Variants in CNTN4 observed in about 807,000 individuals in gnomAD.
CNTN4 encodes contactin 4, also known as contactin-4.
CNTN4 carries 77 observed loss-of-function variants against 122.5 expected under a neutral mutation model. That is an observed-to-expected ratio of 0.63 (90% CI 0.52 to 0.76). The LOEUF is 0.76. Among genes scored for constraint, CNTN4 ranks in the 30% least tolerant of loss-of-function variants. The pLI is 0.00. For synonymous variants in CNTN4, 512 were observed against 447.0 expected, an observed-to-expected ratio of 1.15 and a Z score of -1.83; for missense variants, 1,256 against 1,259.1, an observed-to-expected ratio of 1.00 and a Z score of 0.04.
chr3:2,985,915 T>TC (rs1694519886), intron 13 of CNTN4, among the ~76,000 whole-genome samples: 1 of 132,238 alleles, frequency 7.6e-6, no homozygotes, highest in African/African-American at 3.0e-5. Flanking sequence ...GAGAATACTT[T>TC]TTTTTTTTTT....
At chr3:2,102,018 C>T (rs527764688) in intron 2 of CNTN4, among the ~76,000 whole-genome samples, 104 of 152,262 alleles carry the variant, frequency 6.8e-4, no homozygotes, top group African/African-American at 2.3e-3. Flanking sequence ...CACTTGTTTT[C>T]CTCTCATGGA....
At chr3:2,230,969 C>G (rs552327421) in intron 2 of CNTN4, among the ~76,000 whole-genome samples, 21 of 151,996 alleles carry the variant, frequency 1.4e-4, no homozygotes, top group South Asian at 8.3e-4. Flanking sequence ...GCCTGGGCGA[C>G]AAAGCGAGAC....
chr3:2,748,061 T>C (rs9842962), intron 6 of CNTN4, among the ~76,000 whole-genome samples: 192 of 152,346 alleles, frequency 1.3e-3, no homozygotes, highest in African/African-American at 4.4e-3. Flanking sequence ...TCAATTATGT[T>C]AATTCATCTA....
At chr3:2,566,076 T>C (rs539942647) in intron 3 of CNTN4, among the ~76,000 whole-genome samples, 1 of 152,344 alleles carries the variant, frequency 6.6e-6, no homozygotes, top group East Asian at 1.9e-4. Context: ...AAACCTGTGC[T>C]ATCCTTTACA....
intron 3 of CNTN4, among the ~76,000 whole-genome samples, chr3:2,565,079 G>A (rs2079099916): frequency 6.6e-6 from 1 of 151,918 alleles, no homozygotes. Flanking sequence ...TCTTTAATGT[G>A]GTATTATGAT....
chr3:2,225,847 A>G (rs1435062338), intron 2 of CNTN4, among the ~76,000 whole-genome samples: 1 of 152,148 alleles, frequency 6.6e-6, no homozygotes, highest in African/African-American at 2.4e-5. Context: ...CTTGAATCTT[A>G]TGGGTCTCTC....
intron 3 of CNTN4, among the ~76,000 whole-genome samples, chr3:2,487,858 G>A (rs1338619513): frequency 4.6e-5 from 7 of 152,038 alleles, no homozygotes; most frequent in South Asian, 4.1e-4. Flanking sequence ...ATTAATTTTC[G>A]CAGTAACAAA....
rs1559825695 is a variant in CNTN4 at position 3,042,360 on chromosome 3, G to C, written c.2449G>C (p.Asp817His). The C allele has an allele frequency of 1.9e-6, 3 of 1,614,140 alleles. No homozygotes were observed. Among genetic ancestry groups the C allele is most frequent in the Non-Finnish European group, 2.5e-6 (3 of 1,180,018 alleles). The change falls in exon 21 of 25, where the codon GAT becomes CAT. Residue 817 changes from aspartate (D) to histidine (H), a missense_variant. Coordinates refer to ENST00000418658, the MANE Select transcript of CNTN4 (RefSeq NM_175607.3). ...SIFARSLSAT[D>H]IEVFWASPLE... The stretch of plus-strand genomic sequence containing the variant: ...CTTTGCCAGAAGTCTTTCTGCCACA[G>C]ATATTGAAGTTTTCTGGGCCTCCCC...
rs1163532376 is a variant in CNTN4, at chr3:3,034,627, C to G, written c.1784-5C>G. Reference sequence around the variant, plus strand: ...TCCAATTCTGGGGGTCTTGCTCTTTCCCAGGTCCTCCAGGTCCCCCAGAGG... The same window carrying G: ...TCCAATTCTGGGGGTCTTGCTCTTTGCCAGGTCCTCCAGGTCCCCCAGAGG... On this transcript the variant is annotated splice_region_variant and splice_polypyrimidine_tract_variant and intron_variant, in intron 16 of 24. Coordinates refer to ENST00000418658, the MANE Select transcript of CNTN4 (RefSeq NM_175607.3). 3 of 1,614,044 alleles carry G rather than the reference C, an allele frequency of 1.9e-6. No individual in the cohort carries two copies. Among genetic ancestry groups the G allele is most frequent in the South Asian group, 1.1e-5 (1 of 91,028 alleles).
intron 3 of CNTN4, among the ~76,000 whole-genome samples, chr3:2,400,891 A>C (rs1157586322): frequency 6.6e-6 from 1 of 151,632 alleles, no homozygotes; most frequent in Non-Finnish European, 1.5e-5. Context: ...TTCAAACCCC[A>C]TCACAGGTTT....
chr3:2,292,354 A>G (rs1478172144), intron 2 of CNTN4, among the ~76,000 whole-genome samples: 1 of 152,234 alleles, frequency 6.6e-6, no homozygotes, highest in Non-Finnish European at 1.5e-5. Context: ...CCAAACATGT[A>G]TTAGGTACCC....
At chr3:2,284,009 C>T (rs1223979831) in intron 2 of CNTN4, among the ~76,000 whole-genome samples, 1 of 151,840 alleles carries the variant, frequency 6.6e-6, no homozygotes, top group Non-Finnish European at 1.5e-5. Flanking sequence ...TTGCTATTTG[C>T]CAATGCAAAT....
intron 3 of CNTN4, among the ~76,000 whole-genome samples, chr3:2,346,199 T>G (rs2044392180): frequency 6.6e-6 from 1 of 152,166 alleles, no homozygotes; most frequent in African/African-American, 2.4e-5. Context: ...ATTAATTTCT[T>G]ATTATTTCGG....
chr3:2,486,645 A>G (rs1473672563), intron 3 of CNTN4, among the ~76,000 whole-genome samples: 1 of 152,216 alleles, frequency 6.6e-6, no homozygotes, highest in African/African-American at 2.4e-5. Flanking sequence ...GAAAATTTAT[A>G]CCTGACAAGT....
intron 12 of CNTN4, among the ~76,000 whole-genome samples, chr3:2,918,903 G>A (rs1373533105): frequency 2.6e-5 from 4 of 152,128 alleles, no homozygotes; most frequent in South Asian, 2.1e-4. Context: ...CTCATGAGAC[G>A]GGAATTTCCT....
chr3:2,864,992 T>C (rs2093709038), intron 7 of CNTN4, among the ~76,000 whole-genome samples: 1 of 152,116 alleles, frequency 6.6e-6, no homozygotes, highest in Non-Finnish European at 1.5e-5. Flanking sequence ...AAGGACTGCA[T>C]TGCGATGCTG....
At chr3:3,051,613 A>C (rs559181899) in intron 23 of CNTN4, among the ~76,000 whole-genome samples, 1 of 152,208 alleles carries the variant, frequency 6.6e-6, no homozygotes, top group African/African-American at 2.4e-5. Context: ...CTGAGGATTT[A>C]TCTGTGCCTA....
intron 6 of CNTN4, among the ~76,000 whole-genome samples, chr3:2,771,577 A>T (rs1292030631): frequency 6.6e-6 from 1 of 152,212 alleles, no homozygotes. Context: ...TTTAAGGACC[A>T]ATTGAGACAA....
chr3:2,834,914 T>TTTA (rs2093187242), intron 7 of CNTN4, among the ~76,000 whole-genome samples: 1 of 127,846 alleles, frequency 7.8e-6, no homozygotes, highest in Admixed American at 8.0e-5. Flanking sequence ...TTTTTTTTTT[T>TTTA]TTTTTTTTGA....
Sources: gnomAD v4.1 joint callset for allele counts (sites outside exome capture counted in the v4.1 genomes callset) on GRCh38, gnomAD v4.1.1 for gene constraint, MANE v1.5 for transcripts, NCBI Gene and HGNC (gene_info 2026-07-23, HGNC 2026-07-21) for gene names.